Variants in CAPRIN1 observed in about 807,000 individuals in gnomAD.
CAPRIN1 encodes cell cycle associated protein 1.
Under a neutral mutation model 100.9 loss-of-function variants are expected in CAPRIN1, and 29 were observed. The observed-to-expected ratio is 0.29, with a 90% confidence interval of 0.21 to 0.39. The LOEUF is 0.39. CAPRIN1 is among the 10% of genes least tolerant of loss of function. CAPRIN1 has a pLI of 1.00. For synonymous variants in CAPRIN1, 338 were observed against 307.5 expected (o/e 1.10, Z -1.04); for missense variants, 795 against 876.7 (o/e 0.91, Z 1.18).
At chr11:34,052,689 C>T in intron 2 of CAPRIN1, 53 bp downstream of exon 2, 1 of 1,525,598 alleles carries the variant, frequency 6.6e-7, no homozygotes, top group Non-Finnish European at 8.9e-7. Flanking sequence ...GCTCTGCGGC[C>T]CCTCCGACCC....
At chr11:34,084,727 T>C (rs1343170474) in intron 9 of CAPRIN1, among the ~76,000 whole-genome samples, 1 of 152,196 alleles carries the variant, frequency 6.6e-6, no homozygotes, top group African/African-American at 2.4e-5. Context: ...GGATGTATGT[T>C]TTTAGGGGAG....
intron 2 of CAPRIN1, among the ~76,000 whole-genome samples, chr11:34,069,504 T>A (rs184785809): frequency 7.5e-4 from 114 of 152,280 alleles, no homozygotes; most frequent in African/African-American, 2.5e-3. Flanking sequence ...TTTTTTATTT[T>A]AAAAATTTTT....
chr11:34,074,334 C>T (rs972360945), intron 4 of CAPRIN1, among the ~76,000 whole-genome samples: 7 of 152,142 alleles, frequency 4.6e-5, no homozygotes, highest in African/African-American at 9.7e-5. Context: ...GGACCTTTCT[C>T]TGAGCTTTAA....
chr11:34,064,959 T>G (rs1850657273), intron 2 of CAPRIN1, among the ~76,000 whole-genome samples: 1 of 139,074 alleles, frequency 7.2e-6, no homozygotes, highest in Non-Finnish European at 1.6e-5. Context: ...TAATGGTTTT[T>G]TTTTTTTTTT....
intron 2 of CAPRIN1, among the ~76,000 whole-genome samples, chr11:34,060,137 A>C (rs1460625156): frequency 7.0e-6 from 1 of 141,946 alleles, no homozygotes; most frequent in Non-Finnish European, 1.5e-5. Flanking sequence ...CAGACGTTGC[A>C]GTGAGCCGAG....
chr11:34,096,798 A>G lies in CAPRIN1; in HGVS notation c.1900+125A>G, dbSNP rs1000843027. On this transcript the variant is annotated intron_variant, in intron 16 of 18. Coordinates refer to ENST00000341394, the MANE Select transcript of CAPRIN1 (RefSeq NM_005898.5). Reference sequence around the variant, plus strand: ...GCATTAGCCTCCTATGTGCAATTTAAACAATGTATATTTTGGTACAATTTG... The same window carrying G: ...GCATTAGCCTCCTATGTGCAATTTAGACAATGTATATTTTGGTACAATTTG... 9 of 641,984 alleles carry G rather than the reference A, an allele frequency of 1.4e-5. No homozygotes were observed. The African/African-American group carries it at 1.5e-4, about 10-fold the overall frequency. The allele number at this position is 641,984 out of a possible 1,614,324, so 39.8% of individuals were successfully genotyped here.
Position 34,099,300 on chromosome 11 carries a change from T to C in CAPRIN1, c.2066-3T>C, listed in dbSNP as rs759525643. On this transcript the variant is annotated splice_polypyrimidine_tract_variant and splice_region_variant and intron_variant, in intron 18 of 18. Coordinates refer to ENST00000341394, the MANE Select transcript of CAPRIN1 (RefSeq NM_005898.5). ...AAAATCAAATGCCATTTTTGTCTTC[T>C]AGGTCGTGGAGGGCCCCCAAGACCC... 3.1e-6 allele frequency: 5 copies of C among 1,613,740 alleles called. No individual in the cohort carries two copies. The highest frequency in any genetic ancestry group is 4.2e-6 in the Non-Finnish European group (5 of 1,179,662).
intron 7 of CAPRIN1, 64 bp downstream of exon 7, chr11:34,079,829 T>C (rs1850977060): frequency 6.7e-7 from 1 of 1,499,882 alleles, no homozygotes; most frequent in South Asian, 1.2e-5. Flanking sequence ...TTGCTACAAA[T>C]TTAAACTATA....
intron 14 of CAPRIN1, 157 bp from the exon 15 acceptor site, chr11:34,091,749 A>C (rs1015939046): frequency 1.6e-6 from 1 of 630,880 alleles, no homozygotes; most frequent in African/African-American, 1.8e-5. Flanking sequence ...ACATTGAATC[A>C]CTTGGAGGGA....
intron 7 of CAPRIN1, among the ~76,000 whole-genome samples, chr11:34,081,186 T>C (rs1047675791): frequency 4.6e-5 from 7 of 152,018 alleles, no homozygotes; most frequent in Non-Finnish European, 7.4e-5. Context: ...TATTTACTTA[T>C]TTGGAATTTA....
In CAPRIN1 at chr11:34,100,612, G is replaced by A. The variant is rs1851439632; in HGVS notation, c.*1245G>A. ...GTTTATCTCCAGCAACATTTCTCTA[G>A]TACTTGCACTTATTATCTTTTGTCT... On this transcript the variant is annotated 3_prime_UTR_variant, in exon 19 of 19. Transcript: ENST00000341394. 1 of 152,166 alleles carries A rather than the reference G, an allele frequency of 6.6e-6. No homozygotes were observed. The highest frequency in any genetic ancestry group is 2.4e-5 in the African/African-American group (1 of 41,428). The allele number at this position is 152,166 out of a possible 1,614,324, so 9.4% of individuals were successfully genotyped here.
At chr11:34,070,992 G>A (rs776372314) in intron 2 of CAPRIN1, among the ~76,000 whole-genome samples, 1 of 152,156 alleles carries the variant, frequency 6.6e-6, no homozygotes, top group African/African-American at 2.4e-5. Context: ...GTGAGCCACC[G>A]TGTTCAGCCT....
intron 2 of CAPRIN1, among the ~76,000 whole-genome samples, chr11:34,066,243 A>C (rs140355811): frequency 6.6e-6 from 1 of 152,138 alleles, no homozygotes; most frequent in Non-Finnish European, 1.5e-5. Context: ...TGGCCTGTCA[A>C]AGTGCTAAAG....
intron 2 of CAPRIN1, chr11:34,052,915 T>C (rs1352334252): frequency 7.7e-7 from 1 of 1,295,020 alleles, no homozygotes; most frequent in Non-Finnish European, 9.8e-7. Context: ...TTTTGGCCTT[T>C]AGGAGTGGGA....
chr11:34,057,672 A>T (rs916983839), intron 2 of CAPRIN1, among the ~76,000 whole-genome samples: 1 of 152,194 alleles, frequency 6.6e-6, no homozygotes, highest in African/African-American at 2.4e-5. Flanking sequence ...CAATTTTGTC[A>T]TAGCTATAAT....
Position 34,076,396 on chromosome 11 carries a change from C to T in CAPRIN1, c.527C>T (p.Pro176Leu). 6.2e-7 allele frequency: 1 copy of T among 1,614,118 alleles called. No individual in the cohort carries two copies. Among genetic ancestry groups the T allele is most frequent in the Non-Finnish European group, 8.5e-7 (1 of 1,180,018 alleles). Residue 176 changes from proline to leucine, a missense_variant, in exon 5 of 19, where the codon CCA becomes CTA. Transcript: ENST00000341394. ...TDLKQGLNGV[P>L]ILSEEELSLL... ...CTGAAACAAGGTTTGAATGGAGTGC[C>T]AATATTGTCCGAAGAGGAGTTGTCA... is the stretch of plus-strand genomic sequence containing the variant.
intron 9 of CAPRIN1, among the ~76,000 whole-genome samples, chr11:34,085,213 G>A (rs1297946650): frequency 6.6e-6 from 1 of 152,122 alleles, no homozygotes; most frequent in Non-Finnish European, 1.5e-5. Flanking sequence ...AATAAGCAGA[G>A]GAAATTATTA....
chr11:34,052,567 C>T lies in CAPRIN1; in HGVS notation c.147C>T (p.Val49=), dbSNP rs1481479735. Residue 49 remains valine (V), a synonymous_variant, in exon 2 of 19, where the codon GTC becomes GTT. Transcript: ENST00000341394. ...ACCCCGCAACCGGCACCGGCGCTGT[C>T]CAGACCGAGGCCATGAAGCAGATTC... ...SQHPATGTGA[V]QTEAMKQILG... The T allele has an allele frequency of 5.6e-6, 9 of 1,610,544 alleles. No homozygotes were observed. Among genetic ancestry groups the T allele is most frequent in the Non-Finnish European group, 5.9e-6 (7 of 1,178,968 alleles).
chr11:34,069,525 G>C (rs1850769273), intron 2 of CAPRIN1, among the ~76,000 whole-genome samples: 1 of 152,004 alleles, frequency 6.6e-6, no homozygotes, highest in African/African-American at 2.4e-5. Context: ...AGCTTCCCAA[G>C]CTTATGAGTC....
Sources: allele counts gnomAD v4.1 joint callset (sites outside exome capture counted in the v4.1 genomes callset), GRCh38; gene constraint gnomAD v4.1.1; transcripts MANE v1.5; gene names NCBI Gene and HGNC (gene_info 2026-07-23, HGNC 2026-07-21).